PPEF1: variants seen among roughly 807,000 people sequenced by gnomAD.
PPEF1 encodes serine/threonine-protein phosphatase with EF-hands 1.
In PPEF1, 12 loss-of-function variants were observed where a neutral mutation model predicts 53.3. The ratio of observed to expected loss-of-function variants is 0.23; its 90% confidence interval spans 0.14 to 0.36. The LOEUF (loss-of-function observed/expected upper bound fraction) is 0.36. Ranked by LOEUF, PPEF1 falls within the 10% of genes least tolerant of loss-of-function variation. The probability of loss-of-function intolerance (pLI) is 1.00; values close to 1 mark genes in which losing one functional copy is unlikely to be tolerated. For synonymous variants in PPEF1, 165 were observed against 176.7 expected, an observed-to-expected ratio of 0.93 and a Z score of 0.52; for missense variants, 334 against 490.4, an observed-to-expected ratio of 0.68 and a Z score of 3.01.
intron 3 of PPEF1, among the ~76,000 whole-genome samples, chrX:18,746,028 A>G: frequency 8.9e-6 from 1 of 111,773 alleles, no homozygotes; most frequent in Non-Finnish European, 1.9e-5. Flanking sequence ...CCAGATTTTG[A>G]GTCTGTACTG....
Position 18,789,206 on chromosome X carries a change from A to G in PPEF1, c.998A>G (p.Asn333Ser), listed in dbSNP as rs2046279658. The G allele has an allele frequency of 8.3e-7, 1 of 1,210,591 alleles. No individual in the cohort carries two copies. Among genetic ancestry groups the G allele is most frequent in the South Asian group, 1.8e-5 (1 of 56,967 alleles). Residue 333 changes from asparagine to serine, a missense_variant, in exon 10 of 16, where the codon AAT (asparagine) becomes AGT (serine). Coordinates refer to ENST00000470157, the MANE Select transcript of PPEF1 (RefSeq NM_001377996.1). ...CACAATAAAGTAGGTGTGACTTTTA[A>G]TGCACATGGAAGAATCAAAACAAAT... ...SKHNKVGVTFNAHGRIKTNGS... is the reference protein window; with the variant it reads ...SKHNKVGVTFSAHGRIKTNGS...
intron 1 of PPEF1, among the ~76,000 whole-genome samples, chrX:18,724,930 G>A (rs2044672697): frequency 9.0e-6 from 1 of 111,039 alleles, no homozygotes; most frequent in Non-Finnish European, 1.9e-5. Flanking sequence ...GTGAGGTTTT[G>A]GAGGTCTGAT....
chrX:18,745,378 T>G (rs1051264792), intron 3 of PPEF1, among the ~76,000 whole-genome samples: 2 of 105,486 alleles, frequency 1.9e-5, no homozygotes, highest in Non-Finnish European at 3.9e-5. Context: ...CATGCCCAGC[T>G]AATTTTTTTG....
chrX:18,679,739 C>G (rs1928807667), upstream of PPEF1, among the ~76,000 whole-genome samples: 1 of 111,256 alleles, frequency 9.0e-6, no homozygotes, highest in South Asian at 3.8e-4. Context: ...CTCCCTACCT[C>G]AACTAGAAAA....
chrX:18,810,450 A>G (rs12854468), intron 12 of PPEF1, among the ~76,000 whole-genome samples: 50,576 of 109,264 alleles, frequency 0.46, 8,841 homozygotes, highest in Non-Finnish European at 0.55. Flanking sequence ...GAGTTGTGCA[A>G]CTATCACCAT....
intron 3 of PPEF1, among the ~76,000 whole-genome samples, chrX:18,747,616 C>T (rs1316315104): frequency 3.6e-5 from 4 of 111,967 alleles, no homozygotes; most frequent in Non-Finnish European, 5.6e-5. Context: ...GGATTATAGG[C>T]GCACGCCACT....
chrX:18,678,801 C>T (rs764911508), upstream of PPEF1, among the ~76,000 whole-genome samples: 2 of 110,554 alleles, frequency 1.8e-5, no homozygotes, highest in Non-Finnish European at 3.8e-5. Context: ...GCTGGAGCCT[C>T]ATCTCTTTGA....
Position 18,733,853 on chromosome X carries a change from A to G in PPEF1, c.235+45A>G, listed in dbSNP as rs191482186. 159 of 1,013,216 alleles carry G rather than the reference A, an allele frequency of 1.6e-4. No homozygotes were observed. The African/African-American group carries it at 2.4e-3, about 15-fold the overall frequency. 83.5% of individuals were successfully genotyped at this position (1,013,216 alleles called of 1,213,427 possible). On this transcript the variant is annotated intron_variant, in intron 3 of 15. Coordinates refer to ENST00000470157, the MANE Select transcript of PPEF1 (RefSeq NM_001377996.1). ...TTTTCAAATGTGTCATTAAATATTG[A>G]ATTGTCTTCATCAAGAGCGGTAAAT...
chrX:18,805,798 G>A (rs2046646614), intron 11 of PPEF1, among the ~76,000 whole-genome samples: 1 of 106,049 alleles, frequency 9.4e-6, no homozygotes, highest in Non-Finnish European at 1.9e-5. Flanking sequence ...AGGTGAGATC[G>A]TGCCATTGCA....
intron 1 of PPEF1, among the ~76,000 whole-genome samples, chrX:18,676,920 T>G (rs1252760015): frequency 1.8e-5 from 2 of 111,718 alleles, no homozygotes; most frequent in African/African-American, 6.5e-5. Flanking sequence ...TGTCCCTCTG[T>G]TGCATGCGAC....
upstream of PPEF1, among the ~76,000 whole-genome samples, chrX:18,703,656 G>C (rs1230770309): frequency 8.9e-6 from 1 of 111,845 alleles, no homozygotes; most frequent in Non-Finnish European, 1.9e-5. Flanking sequence ...TGCCCGTGGG[G>C]CTAATAGTCT....
At chrX:18,681,232 C>T (rs183594353), upstream of PPEF1, among the ~76,000 whole-genome samples, 27 of 111,730 alleles carry the variant, frequency 2.4e-4, no homozygotes, top group African/African-American at 8.8e-4. Flanking sequence ...CCACCTTGGC[C>T]TCCCAAAGTG....
At chrX:18,720,324 G>C (rs4590572) in intron 1 of PPEF1, among the ~76,000 whole-genome samples, 2,424 of 111,721 alleles carry the variant, frequency 0.022, 64 homozygotes, top group African/African-American at 0.072. Flanking sequence ...GGGCGCAGTG[G>C]CTCATGCCTG....
intron 13 of PPEF1, among the ~76,000 whole-genome samples, chrX:18,822,087 T>G (rs937256319): frequency 1.8e-5 from 2 of 111,710 alleles, no homozygotes; most frequent in Admixed American, 1.9e-4. Context: ...CCACCGCGTC[T>G]CCCACACACT....
intron 6 of PPEF1, among the ~76,000 whole-genome samples, chrX:18,778,215 G>A (rs1051279460): frequency 9.0e-6 from 1 of 111,474 alleles, no homozygotes; most frequent in Non-Finnish European, 1.9e-5. Flanking sequence ...ATGTAGGCAT[G>A]TTACATGTGT....
In PPEF1 at chrX:18,789,341, T is replaced by C. The variant is rs937285907; in HGVS notation, c.1065+68T>C. 6.7e-6 allele frequency: 7 copies of C among 1,043,669 alleles called. No individual in the cohort carries two copies. In the South Asian group the frequency reaches 9.8e-5, roughly 15 times the overall value. The allele number at this position is 1,043,669 out of a possible 1,213,427, so 86.0% of individuals were successfully genotyped here. ...AGCGTGCATGTTGTCCCTTACAATA[T>C]ATAGATAAAAAGTGACTTTACCTTT... is the stretch of plus-strand genomic sequence containing the variant. On this transcript the variant is annotated intron_variant, in intron 10 of 15. Coordinates refer to ENST00000470157, the MANE Select transcript of PPEF1 (RefSeq NM_001377996.1).
chrX:18,745,299 G>A (rs1032701166), intron 3 of PPEF1, among the ~76,000 whole-genome samples: 18 of 102,839 alleles, frequency 1.8e-4, no homozygotes, highest in Non-Finnish European at 2.9e-4. Flanking sequence ...CTGCAGCCTC[G>A]ACCTCCTGGG....
intron 10 of PPEF1, among the ~76,000 whole-genome samples, chrX:18,801,557 G>A (rs965055424): frequency 2.7e-5 from 3 of 111,954 alleles, no homozygotes; most frequent in Admixed American, 9.5e-5. Flanking sequence ...ATACTTTACA[G>A]GTCAACTGGT....
At chrX:18,777,200 G>A (rs1345591643) in intron 6 of PPEF1, among the ~76,000 whole-genome samples, 1 of 112,126 alleles carries the variant, frequency 8.9e-6, no homozygotes, top group African/African-American at 3.2e-5. Context: ...ATCACACTAT[G>A]CCATTGCTTG....
Sources: gnomAD v4.1 joint callset for allele counts (sites outside exome capture counted in the v4.1 genomes callset) on GRCh38, gnomAD v4.1.1 for gene constraint, MANE v1.5 for transcripts, NCBI Gene and HGNC (gene_info 2026-07-23, HGNC 2026-07-21) for gene names.